NEDD4L: variants seen among roughly 807,000 people sequenced by gnomAD.
NEDD4L encodes E3 ubiquitin-protein ligase NEDD4-like.
Under a neutral mutation model 148.9 loss-of-function variants are expected in NEDD4L, and 54 were observed. The ratio of observed to expected loss-of-function variants is 0.36; its 90% confidence interval spans 0.29 to 0.45. The LOEUF is 0.45. Ranked by LOEUF, NEDD4L falls within the 20% of genes least tolerant of loss-of-function variation. The pLI is 1.00. For missense variants in NEDD4L, 856 were observed against 1,233.8 expected (o/e 0.69, Z 4.59); for synonymous variants, 433 against 440.7 (o/e 0.98, Z 0.22).
intron 2 of NEDD4L, among the ~76,000 whole-genome samples, chr18:58,241,560 C>T (rs1190858603): frequency 6.7e-6 from 1 of 150,310 alleles, no homozygotes. Flanking sequence ...AATGTAGACT[C>T]CTAGTGATTC....
chr18:58,278,346 G>T (rs149593148), intron 5 of NEDD4L, among the ~76,000 whole-genome samples: 2 of 152,118 alleles, frequency 1.3e-5, no homozygotes, highest in African/African-American at 2.4e-5. Flanking sequence ...TCTGTCTGGC[G>T]TCCAGGCCCT....
At chr18:58,351,341 A>C (rs2043857124) in intron 18 of NEDD4L, 1 of 172,748 alleles carries the variant, frequency 5.8e-6, no homozygotes, top group African/African-American at 2.4e-5. Context: ...ACTTTTGCAC[A>C]TTTAATAAAT....
intron 20 of NEDD4L, among the ~76,000 whole-genome samples, chr18:58,365,721 GT>G (rs1311958928): frequency 6.6e-6 from 1 of 152,208 alleles, no homozygotes; most frequent in Non-Finnish European, 1.5e-5. Flanking sequence ...AGTGCCCACA[GT>G]TGTTTATTAA....
At chr18:58,176,126 T>A (rs757901900) in intron 2 of NEDD4L, among the ~76,000 whole-genome samples, 2 of 152,176 alleles carry the variant, frequency 1.3e-5, no homozygotes, top group Non-Finnish European at 2.9e-5. Context: ...CATTTCCACA[T>A]AAGCTTTTTT....
chr18:58,384,012 T>C (rs933085049), intron 25 of NEDD4L, among the ~76,000 whole-genome samples: 6 of 152,174 alleles, frequency 3.9e-5, no homozygotes, highest in African/African-American at 1.4e-4. Flanking sequence ...AGGTGAGCAC[T>C]GCAGTGTGTG....
rs2046099704 is a variant in NEDD4L, at chr18:58,366,325, C to G, written c.2063+97C>G. On this transcript the variant is annotated intron_variant, in intron 21 of 30. Coordinates refer to ENST00000400345, the MANE Select transcript of NEDD4L (RefSeq NM_001144967.3). This position sits in a 1 kb window ranked among gnomAD's most constrained non-coding sequence, Gnocchi z 4.2. ...ATAAGCAGCTCATGAGTTCGAGATG[C>G]ATTAACTCTGCTGAGTTTGTTCTCT... The G allele has an allele frequency of 7.1e-6, 6 of 842,890 alleles. No individual in the cohort carries two copies. In the South Asian group the frequency reaches 1.2e-4, roughly 17 times the overall value. 52.2% of individuals were successfully genotyped at this position (842,890 alleles called of 1,614,324 possible). A position where few individuals can be genotyped will look rare whatever the true frequency, so the allele number is the denominator to read the frequency against.
At chr18:58,310,685 G>A (rs987928619) in intron 5 of NEDD4L, among the ~76,000 whole-genome samples, 2 of 152,200 alleles carry the variant, frequency 1.3e-5, no homozygotes, top group Non-Finnish European at 2.9e-5. Flanking sequence ...GATGGAAGCT[G>A]AGGTGCCTGA....
intron 1 of NEDD4L, among the ~76,000 whole-genome samples, chr18:58,113,478 T>A (rs377377409): frequency 2.6e-5 from 4 of 152,180 alleles, no homozygotes; most frequent in African/African-American, 9.7e-5. Flanking sequence ...AGAACCTTTT[T>A]GAAGCAGGAA....
intron 1 of NEDD4L, among the ~76,000 whole-genome samples, chr18:58,147,695 G>A (rs1326201928): frequency 6.6e-6 from 1 of 152,106 alleles, no homozygotes. Context: ...GGAGGGAGAC[G>A]GCCTCATATC....
chr18:58,391,420 G>A, intron 29 of NEDD4L, 67 bp from the exon 30 acceptor site: 1 of 1,320,750 alleles, frequency 7.6e-7, no homozygotes, highest in Non-Finnish European at 1.1e-6. Context: ...CTGGACTGCA[G>A]ACCACACCAT....
At chr18:58,297,758 C>A (rs191906) in intron 5 of NEDD4L, among the ~76,000 whole-genome samples, 1 of 152,144 alleles carries the variant, frequency 6.6e-6, no homozygotes, top group Non-Finnish European at 1.5e-5. Context: ...TCACAAGTGT[C>A]CTTTTAAGCC....
Position 58,325,154 on chromosome 18 carries a change from A to C in NEDD4L, c.672A>C (p.Pro224=), listed in dbSNP as rs774385355. Residue 224 remains proline (P), a synonymous_variant, in exon 9 of 31, where the codon CCA becomes CCC. Coordinates refer to ENST00000400345, the MANE Select transcript of NEDD4L (RefSeq NM_001144967.3). Reference sequence around the variant, plus strand: ...ACCGGACCACTCAGTGGCACAGACCAAGCCTGATGTGAGTACCGTGTGATG... The same window carrying C: ...ACCGGACCACTCAGTGGCACAGACCCAGCCTGATGTGAGTACCGTGTGATG... The part of the protein sequence containing the change: ...HNNRTTQWHR[P]SLMDVSSESD... The C allele has an allele frequency of 1.9e-6, 3 of 1,613,908 alleles. No homozygotes were observed. Among genetic ancestry groups the C allele is most frequent in the Non-Finnish European group, 2.5e-6 (3 of 1,179,856 alleles).
In NEDD4L at chr18:58,349,499, C is replaced by T. The variant is rs767491579; in HGVS notation, c.1576-38C>T. The T allele has an allele frequency of 6.5e-6, 10 of 1,530,718 alleles. No homozygotes were observed. In the African/African-American group the frequency reaches 1.2e-4, roughly 19 times the overall value. 94.8% of individuals were successfully genotyped at this position (1,530,718 alleles called of 1,614,324 possible). On this transcript the variant is annotated intron_variant, in intron 16 of 30. Coordinates refer to ENST00000400345, the MANE Select transcript of NEDD4L (RefSeq NM_001144967.3). ...ACCCAGTAACTGCACACAGATACTTCCACTTAGCATCTACTGTCTTTTACA... is the reference window on the plus strand; with the variant it reads ...ACCCAGTAACTGCACACAGATACTTTCACTTAGCATCTACTGTCTTTTACA...
intron 1 of NEDD4L, among the ~76,000 whole-genome samples, chr18:58,084,283 GTACAGGATTTTT>G (rs2083630541): frequency 6.6e-6 from 1 of 152,130 alleles, no homozygotes; most frequent in African/African-American, 2.4e-5. Context: ...CTGCTAATGG[GTACAGGATTTTT>G]TTTCCTCAAG....
intron 1 of NEDD4L, among the ~76,000 whole-genome samples, chr18:58,086,677 A>G (rs367894757): frequency 2.0e-5 from 3 of 152,222 alleles, no homozygotes; most frequent in South Asian, 2.1e-4. Context: ...ACTATTTTCT[A>G]TTCAAAAAAG....
Position 58,386,689 on chromosome 18 carries a change from C to T in NEDD4L, c.2488-750C>T, listed in dbSNP as rs184983855. Among the ~76,000 whole-genome samples, 5 of 152,320 alleles carry T rather than the reference C, an allele frequency of 3.3e-5. No individual in the cohort carries two copies. In the East Asian group the frequency reaches 7.7e-4, roughly 24 times the overall value. ...CACACAGGAAACAGCCTCGTGTCCA[C>T]GTGACTGATTTTCTCTGCACTGAGG... is the stretch of plus-strand genomic sequence containing the variant. On this transcript the variant is annotated intron_variant, in intron 26 of 30. Transcript: ENST00000400345.
At chr18:58,181,900 A>G (rs1183835087) in intron 2 of NEDD4L, among the ~76,000 whole-genome samples, 3 of 152,214 alleles carry the variant, frequency 2.0e-5, no homozygotes, top group East Asian at 3.8e-4. Flanking sequence ...GTGATGTGAA[A>G]GAGACTCAGA....
At chr18:58,102,207 T>C (rs986159624) in intron 1 of NEDD4L, among the ~76,000 whole-genome samples, 1 of 152,124 alleles carries the variant, frequency 6.6e-6, no homozygotes, top group African/African-American at 2.4e-5. Context: ...ACATTTCCAT[T>C]GTGTGAGAGG....
At chr18:58,143,156 A>C (rs1185538050) in intron 1 of NEDD4L, among the ~76,000 whole-genome samples, 1 of 152,240 alleles carries the variant, frequency 6.6e-6, no homozygotes, top group Non-Finnish European at 1.5e-5. Context: ...GCCCCCTTGC[A>C]TCACTGGCAT....
Sources: allele counts gnomAD v4.1 joint callset (sites outside exome capture counted in the v4.1 genomes callset), GRCh38; gene constraint gnomAD v4.1.1; non-coding constraint Gnocchi (gnomAD v3.1); transcripts MANE v1.5; gene names NCBI Gene and HGNC (gene_info 2026-07-23, HGNC 2026-07-21).